The following MELTF variants were observed in gnomAD, a reference collection of about 807,000 sequenced individuals.
The protein encoded by MELTF is melanotransferrin.
MELTF carries 67 observed loss-of-function variants against 83.7 expected under a neutral mutation model. That is an observed-to-expected ratio of 0.80 (90% CI 0.66 to 0.98). The LOEUF (loss-of-function observed/expected upper bound fraction) is 0.98. MELTF is among the 50% of genes least tolerant of loss of function. The pLI, the probability that MELTF is intolerant of heterozygous loss-of-function variation, is 0.00. For synonymous variants in MELTF, 462 were observed against 447.6 expected (o/e 1.03, Z -0.41); for missense variants, 1,002 against 1,035.6 (o/e 0.97, Z 0.44).
At position 197,002,824 on chromosome 3, in the gene MELTF, C is replaced by G. The variant is rs1194455921; in HGVS notation, c.*548G>C. 1 of 152,152 alleles carries G rather than the reference C, an allele frequency of 6.6e-6. No homozygotes were observed. The highest frequency in any genetic ancestry group is 1.5e-5 in the Non-Finnish European group (1 of 68,022). The allele number at this position is 152,152 out of a possible 1,614,324, so 9.4% of individuals were successfully genotyped here. Reference sequence around the variant, plus strand: ...GGGCGGTCGGAGGAACTGGAGCCCCCACCCCGGACACGGTCCCGCGGGCGA... The same window carrying G: ...GGGCGGTCGGAGGAACTGGAGCCCCGACCCCGGACACGGTCCCGCGGGCGA... On this transcript the variant is annotated 3_prime_UTR_variant, in exon 16 of 16. Transcript: ENST00000296350.
At position 197,003,725 on chromosome 3, in the gene MELTF, C is replaced by A; in HGVS notation, c.2137+176G>T. Reference sequence around the variant, plus strand: ...CCGTCTGGGAGACCCGCCGGGCTCCCGCCCTCCCGGCCCGCAGCCTCCTGG... The same window carrying A: ...CCGTCTGGGAGACCCGCCGGGCTCCAGCCCTCCCGGCCCGCAGCCTCCTGG... On this transcript the variant is annotated intron_variant, in intron 15 of 15. Coordinates refer to ENST00000296350, the MANE Select transcript of MELTF (RefSeq NM_005929.6). This position sits in a 1 kb window ranked among gnomAD's most constrained non-coding sequence, Gnocchi z 6.2. 1.4e-6 allele frequency: 1 copy of A among 738,682 alleles called. No individual in the cohort carries two copies. The highest frequency in any genetic ancestry group is 2.2e-6 in the Non-Finnish European group (1 of 462,800). 45.8% of individuals were successfully genotyped at this position (738,682 alleles called of 1,614,324 possible). A position where few individuals can be genotyped will look rare whatever the true frequency, so the allele number is the denominator to read the frequency against.
Position 197,029,724 on chromosome 3 carries a change from G to C in MELTF, c.-22C>G. ...GCATGGCGCCGTCGGGGCTGGCTGGGGCCGGGCTGGGGCTGGGTCCGGGTC... is the reference window on the plus strand; with the variant it reads ...GCATGGCGCCGTCGGGGCTGGCTGGCGCCGGGCTGGGGCTGGGTCCGGGTC... On this transcript the variant is annotated 5_prime_UTR_variant, in exon 1 of 16. Coordinates refer to ENST00000296350, the MANE Select transcript of MELTF (RefSeq NM_005929.6). This position sits in a 1 kb window ranked among gnomAD's most constrained non-coding sequence, Gnocchi z 6.5. 1.6e-6 allele frequency: 2 copies of C among 1,232,940 alleles called. No individual in the cohort carries two copies. The highest frequency in any genetic ancestry group is 4.0e-5 in the South Asian group (1 of 24,938). The allele number at this position is 1,232,940 out of a possible 1,614,324, so 76.4% of individuals were successfully genotyped here.
In MELTF at chr3:197,029,579, C is replaced by T; in HGVS notation, c.49+75G>A. The T allele has an allele frequency of 1.7e-6, 2 of 1,172,054 alleles. No individual in the cohort carries two copies. Among genetic ancestry groups the T allele is most frequent in the East Asian group, 3.2e-5 (1 of 31,394 alleles). The allele number at this position is 1,172,054 out of a possible 1,614,324, so 72.6% of individuals were successfully genotyped here. A position where few individuals can be genotyped will look rare whatever the true frequency, so the allele number is the denominator to read the frequency against. ...GCCGCAGGCTCAGGCACATTTCCAG[C>T]CCCGGGACCTGCTCAGCCGGGCCGC... On this transcript the variant is annotated intron_variant, in intron 1 of 15. Transcript: ENST00000296350. This position sits in a 1 kb window ranked among gnomAD's most constrained non-coding sequence, Gnocchi z 6.5.
rs562529108 is a variant in MELTF, at chr3:197,013,444, T to C, written c.1233+1921A>G. On this transcript the variant is annotated intron_variant, in intron 9 of 15. Transcript: ENST00000296350. ...CTGAAGAGAATATAGGCAAAACGCT[T>C]CAGGACATTGGTCTGAGAAAAGATT... 4.6e-5 allele frequency among the ~76,000 whole-genome samples: 7 copies of C among 152,282 alleles called. No individual in the cohort carries two copies. The South Asian group carries it at 8.3e-4, about 18-fold the overall frequency.
At chr3:197,023,193 C>T (rs1479546797) in intron 4 of MELTF, 80 bp from the exon 5 acceptor site, 50 of 1,430,770 alleles carry the variant, frequency 3.5e-5, no homozygotes, top group Middle Eastern at 2.0e-4. Context: ...GCAGGGGGCC[C>T]GGGCTCTCAT....
chr3:197,023,145 A>C (rs2288765), intron 4 of MELTF, 32 bp from the exon 5 acceptor site: 2 of 1,611,490 alleles, frequency 1.2e-6, no homozygotes, highest in Non-Finnish European at 1.7e-6. Context: ...GTCACTCAGC[A>C]GAACTTTCTT....
Position 197,021,451 on chromosome 3 carries a change from C to T in MELTF, c.665G>A (p.Gly222Glu), listed in dbSNP as rs1419451031. 1 of 1,613,952 alleles carries T rather than the reference C, an allele frequency of 6.2e-7. No individual in the cohort carries two copies. Among genetic ancestry groups the T allele is most frequent in the East Asian group, 2.2e-5 (1 of 44,898 alleles). Residue 222 changes from glycine to glutamate, a missense_variant, in exon 6 of 16, where the codon GGG becomes GAG. Physicochemically the swap from Gly to Glu is moderately conservative, Grantham distance 98. Coordinates refer to ENST00000296350, the MANE Select transcript of MELTF (RefSeq NM_005929.6). ...GCTGTGCTTCACAAAAGCCACGTCC[C>T]CTGCCCCTTCCGCCAGGCACCTGCG... The part of the protein sequence containing the change: ...GAFRCLAEGA[G>E]DVAFVKHSTV...
chr3:197,009,010 G>A (rs748131501), intron 11 of MELTF, 45 bp from the exon 12 acceptor site: 8 of 1,608,926 alleles, frequency 5.0e-6, no homozygotes, highest in Non-Finnish European at 6.8e-6. Context: ...GCAGTGGAAA[G>A]TGTGGGAGGG....
chr3:197,007,529 C>T lies in MELTF; in HGVS notation c.1751-793G>A, dbSNP rs1719022170. Among the ~76,000 whole-genome samples, 1 of 152,220 alleles carries T rather than the reference C, an allele frequency of 6.6e-6. No individual in the cohort carries two copies. Among genetic ancestry groups the T allele is most frequent in the Non-Finnish European group, 1.5e-5 (1 of 68,034 alleles). Reference sequence around the variant, plus strand: ...TCCCAAGGCCTCTCCAGCACCTGCCCGCCTCCCCTGACCCCATCCCAGACG... The same window carrying T: ...TCCCAAGGCCTCTCCAGCACCTGCCTGCCTCCCCTGACCCCATCCCAGACG... On this transcript the variant is annotated intron_variant, in intron 13 of 15. Transcript: ENST00000296350. This position sits in a 1 kb window ranked among gnomAD's most constrained non-coding sequence, Gnocchi z 4.3.
chr3:197,017,084 TG>T lies in MELTF; in HGVS notation c.900+18del. 6.2e-7 allele frequency: 1 copy of T among 1,607,382 alleles called. No homozygotes were observed. Among genetic ancestry groups the T allele is most frequent in the Non-Finnish European group, 8.5e-7 (1 of 1,178,004 alleles). ...CCATCTAGGAAGCTGTGCAGGTGGT[TG>T]GGGGACCCTGAGCCCACCTGGCCTT... On this transcript the variant is annotated intron_variant, in intron 7 of 15. Transcript: ENST00000296350.
At chr3:197,014,036 T>C (rs1719272160) in intron 9 of MELTF, among the ~76,000 whole-genome samples, 1 of 152,194 alleles carries the variant, frequency 6.6e-6, no homozygotes, top group Admixed American at 6.5e-5. Context: ...GCAATCAGCC[T>C]GTGGAAGGGA....
Position 197,006,441 on chromosome 3 carries a change from G to T in MELTF, c.1938+108C>A. On this transcript the variant is annotated intron_variant, in intron 14 of 15. Transcript: ENST00000296350. The surrounding 1 kb of genome is among the most constrained non-coding windows in gnomAD (Gnocchi z 5.4). ...GTGAAAATCACAGAATTTCCCCCGG[G>T]CTTCCTCAATTTCTCTAGAGGTCTG... 2 of 954,350 alleles carry T rather than the reference G, an allele frequency of 2.1e-6. No individual in the cohort carries two copies. Among genetic ancestry groups the T allele is most frequent in the Non-Finnish European group, 3.0e-6 (2 of 671,228 alleles). 59.1% of individuals were successfully genotyped at this position (954,350 alleles called of 1,614,324 possible). A position where few individuals can be genotyped will look rare whatever the true frequency, so the allele number is the denominator to read the frequency against.
chr3:197,014,383 G>GTT lies in MELTF; in HGVS notation c.1233+980_1233+981dup, dbSNP rs71623319. Among the ~76,000 whole-genome samples the GTT allele has an allele frequency of 5.0e-3, 505 of 100,996 alleles. 5 individuals carry two copies. The highest frequency in any genetic ancestry group is 5.6e-3 in the Non-Finnish European group (298 of 53,062). The allele number at this position is 100,996 out of a possible 152,430, so 66.3% of individuals were successfully genotyped here. On this transcript the variant is annotated intron_variant, in intron 9 of 15. Coordinates refer to ENST00000296350, the MANE Select transcript of MELTF (RefSeq NM_005929.6). ...GTAGGGGAAGGGAGGAATAGGGAGA[G>GTT]TTTTTTTTTTTTTTTTTTTTTTTGA...
chr3:197,029,575 C>G lies in MELTF; in HGVS notation c.49+79G>C. ...CGGAGCCGCAGGCTCAGGCACATTT[C>G]CAGCCCCGGGACCTGCTCAGCCGGG... On this transcript the variant is annotated intron_variant, in intron 1 of 15. Coordinates refer to ENST00000296350, the MANE Select transcript of MELTF (RefSeq NM_005929.6). The surrounding 1 kb of genome is among the most constrained non-coding windows in gnomAD (Gnocchi z 6.5). The G allele has an allele frequency of 5.2e-6, 6 of 1,160,848 alleles. No homozygotes were observed. Among genetic ancestry groups the G allele is most frequent in the Non-Finnish European group, 6.5e-6 (6 of 922,118 alleles). The allele number at this position is 1,160,848 out of a possible 1,614,324, so 71.9% of individuals were successfully genotyped here.
At chr3:197,027,661 C>T (rs981228655) in intron 2 of MELTF, 95 bp downstream of exon 2, 42 of 1,415,354 alleles carry the variant, frequency 3.0e-5, no homozygotes, top group Non-Finnish European at 3.5e-5. Context: ...CCTGGCAGGG[C>T]GAGGTCGGCT....
chr3:197,006,854 A>T lies in MELTF; in HGVS notation c.1751-118T>A. 1.1e-6 allele frequency: 1 copy of T among 947,748 alleles called. No homozygotes were observed. The allele number at this position is 947,748 out of a possible 1,614,324, so 58.7% of individuals were successfully genotyped here. On this transcript the variant is annotated intron_variant, in intron 13 of 15. Coordinates refer to ENST00000296350, the MANE Select transcript of MELTF (RefSeq NM_005929.6). This position sits in a 1 kb window ranked among gnomAD's most constrained non-coding sequence, Gnocchi z 5.4. ...CACAGGGAGGTGGCAACATCTGGCC[A>T]GCTCCCCAACCCTCTCCATTCTCCA...
rs926460373 is a variant in MELTF, at chr3:197,026,664, A to T, written c.300T>A (p.Asp100Glu). ...CCTCCCACTGCACCCTCTTACCTTG[A>T]TCGTACACTTCGCCCACCACCGGCT... ...GLKPVVGEVY[D>E]QEVGTSYYAV... The change falls in exon 3 of 16, where the codon GAT becomes GAA. Residue 100 changes from aspartate (D) to glutamate (E), a missense_variant. Coordinates refer to ENST00000296350, the MANE Select transcript of MELTF (RefSeq NM_005929.6). 4 of 1,612,924 alleles carry T rather than the reference A, an allele frequency of 2.5e-6. No individual in the cohort carries two copies. The highest frequency in any genetic ancestry group is 3.4e-6 in the Non-Finnish European group (4 of 1,179,898).
At position 197,020,455 on chromosome 3, in the gene MELTF, G is replaced by C. The variant is rs567717043; in HGVS notation, c.712+949C>G. Among the ~76,000 whole-genome samples the C allele has an allele frequency of 3.3e-5, 5 of 151,692 alleles. No homozygotes were observed. The South Asian group carries it at 1.0e-3, about 31-fold the overall frequency. On this transcript the variant is annotated intron_variant, in intron 6 of 15. Coordinates refer to ENST00000296350, the MANE Select transcript of MELTF (RefSeq NM_005929.6). Reference sequence around the variant, plus strand: ...AAAGTATTCAAGGGGTATGACATAGGCAAATGTACTCTCAAATGGGTCAGA... The same window carrying C: ...AAAGTATTCAAGGGGTATGACATAGCCAAATGTACTCTCAAATGGGTCAGA...
chr3:197,029,676 C>A lies in MELTF; in HGVS notation c.27G>T (p.Trp9Cys). ...CACCGGTGCGCAGAGCCAGGAGCAG[C>A]CACAGAGCCCCGCTCGGACCCCGCA... MRGPSGAL[W>C]LLLALRTVLG... The change falls in exon 1 of 16, where the codon TGG (tryptophan) becomes TGT (cysteine). Residue 9 changes from tryptophan to cysteine, a missense_variant. Transcript: ENST00000296350. This position sits in a 1 kb window ranked among gnomAD's most constrained non-coding sequence, Gnocchi z 6.5. 1 of 1,246,882 alleles carries A rather than the reference C, an allele frequency of 8.0e-7. No individual in the cohort carries two copies. Among genetic ancestry groups the A allele is most frequent in the Non-Finnish European group, 1.0e-6 (1 of 996,814 alleles). 77.2% of individuals were successfully genotyped at this position (1,246,882 alleles called of 1,614,324 possible).
Sources: gnomAD v4.1 joint callset for allele counts (sites outside exome capture counted in the v4.1 genomes callset) on GRCh38, gnomAD v4.1.1 for gene constraint, Gnocchi (gnomAD v3.1) non-coding constraint, MANE v1.5 for transcripts, NCBI Gene and HGNC (gene_info 2026-07-23, HGNC 2026-07-21) for gene names.